SLC27A1: variants seen among roughly 807,000 people sequenced by gnomAD.
SLC27A1 encodes long-chain fatty acid transport protein 1.
A neutral mutation model predicts 62.2 loss-of-function variants in SLC27A1; 61 were observed. That is an observed-to-expected ratio of 0.98 (90% CI 0.80 to 1.21). The LOEUF (loss-of-function observed/expected upper bound fraction) is 1.21, where lower values mean the gene tolerates loss of function less well. Among genes scored for constraint, SLC27A1 ranks in the 50% most tolerant of loss-of-function variants. The probability of loss-of-function intolerance (pLI) is 0.00; values close to 1 mark genes in which losing one functional copy is unlikely to be tolerated. For missense variants in SLC27A1, 903 were observed against 932.1 expected, an observed-to-expected ratio of 0.97 and a Z score of 0.41; for synonymous variants, 435 against 408.6, an observed-to-expected ratio of 1.06 and a Z score of -0.78.
chr19:17,500,432 C>T, intron 8 of SLC27A1, 28 bp downstream of exon 8: 1 of 1,612,964 alleles, frequency 6.2e-7, no homozygotes, highest in Non-Finnish European at 8.5e-7. Flanking sequence ...ATGGTCCCCA[C>T]CCGGAGCAGG....
rs150336592 is a variant in SLC27A1 at position 17,480,279 on chromosome 19, C to T, written c.168-6284C>T. ...CTGACCTCAAGTGATCTGCTCACCT[C>T]GGCCTCCCAAAGTGCACAGATTACA... is the stretch of plus-strand genomic sequence containing the variant. On this transcript the variant is annotated intron_variant, in intron 1 of 11. Coordinates refer to ENST00000252595, the MANE Select transcript of SLC27A1 (RefSeq NM_198580.3). 3.4e-3 allele frequency among the ~76,000 whole-genome samples: 521 copies of T among 152,078 alleles called. 6 individuals are homozygous for T. Among genetic ancestry groups the T allele is most frequent in the African/African-American group, 0.012 (495 of 41,498 alleles).
At chr19:17,501,681 T>C (rs573885215) in intron 11 of SLC27A1, among the ~76,000 whole-genome samples, 22 of 151,502 alleles carry the variant, frequency 1.5e-4, no homozygotes, top group Non-Finnish European at 3.1e-4. Context: ...CGGGTGCCTG[T>C]AGTCCCAGCT....
At chr19:17,503,204 T>C (rs1599678470) in intron 11 of SLC27A1, among the ~76,000 whole-genome samples, 1 of 151,998 alleles carries the variant, frequency 6.6e-6, no homozygotes, top group East Asian at 1.9e-4. Context: ...GTGGGAAGTA[T>C]GGGAGCTACA....
upstream of SLC27A1, among the ~76,000 whole-genome samples, chr19:17,469,731 G>C (rs544406587): frequency 8.6e-5 from 13 of 151,720 alleles, no homozygotes; most frequent in South Asian, 2.1e-4. Context: ...TAGGTCCTAG[G>C]GGGGCCGGAG....
intron 11 of SLC27A1, among the ~76,000 whole-genome samples, chr19:17,502,842 T>G (rs1245333910): frequency 6.6e-6 from 1 of 151,066 alleles, no homozygotes; most frequent in Non-Finnish European, 1.5e-5. Flanking sequence ...GGCACCACCA[T>G]GCCTGACTAA....
chr19:17,480,336 A>T (rs1310853302), intron 1 of SLC27A1, among the ~76,000 whole-genome samples: 2 of 151,456 alleles, frequency 1.3e-5, no homozygotes, highest in African/African-American at 2.4e-5. Flanking sequence ...CCTATTTTTT[A>T]AAAATTTTTG....
intron 1 of SLC27A1, among the ~76,000 whole-genome samples, chr19:17,476,405 G>T (rs1003013000): frequency 8.5e-5 from 13 of 152,048 alleles, no homozygotes; most frequent in Middle Eastern, 3.2e-3. Flanking sequence ...GGGCGTGGTA[G>T]CGGGCACCTG....
intron 1 of SLC27A1, among the ~76,000 whole-genome samples, chr19:17,472,418 T>C (rs2075085817): frequency 6.6e-6 from 1 of 151,690 alleles, no homozygotes; most frequent in African/African-American, 2.4e-5. Flanking sequence ...AAAATAGAAT[T>C]AGAATTGAGG....
At chr19:17,489,411 G>A (rs1273847564) in intron 6 of SLC27A1, among the ~76,000 whole-genome samples, 1 of 152,226 alleles carries the variant, frequency 6.6e-6, no homozygotes, top group African/African-American at 2.4e-5. Context: ...TGGGGACAGA[G>A]AGGGCAAGTA....
At position 17,488,993 on chromosome 19, in the gene SLC27A1, G is replaced by A; in HGVS notation, c.887-15G>A. 6.2e-7 allele frequency: 1 copy of A among 1,614,026 alleles called. No homozygotes were observed. Among genetic ancestry groups the A allele is most frequent in the Non-Finnish European group, 8.5e-7 (1 of 1,179,956 alleles). ...GTGGGGGCGGGGGACCCCTTACCAA[G>A]GCCACCCTCTGCAGGAAACATCATC... On this transcript the variant is annotated splice_polypyrimidine_tract_variant and intron_variant, in intron 5 of 11. Transcript: ENST00000252595.
intron 6 of SLC27A1, among the ~76,000 whole-genome samples, chr19:17,490,551 C>T (rs905346596): frequency 2.0e-5 from 3 of 152,082 alleles, no homozygotes; most frequent in Admixed American, 2.0e-4. Flanking sequence ...CAGCTGGACC[C>T]AGAGGCTATC....
At chr19:17,503,292 T>A (rs901176964) in intron 11 of SLC27A1, 3 of 152,184 alleles carry the variant, frequency 2.0e-5, no homozygotes, top group African/African-American at 7.2e-5. Context: ...GGTCTCGCAG[T>A]CCTGGGCTCA....
At position 17,480,667 on chromosome 19, in the gene SLC27A1, C is replaced by T. The variant is rs191604848; in HGVS notation, c.168-5896C>T. ...TCCTAGCATTATAGGCGTGAGCCAC[C>T]GTGTCCACCCAATTTTTTTAAAAAT... On this transcript the variant is annotated intron_variant, in intron 1 of 11. Transcript: ENST00000252595. Among the ~76,000 whole-genome samples, 703 of 151,112 alleles carry T rather than the reference C, an allele frequency of 4.7e-3. 2 individuals carry two copies. The highest frequency in any genetic ancestry group is 6.3e-3 in the Non-Finnish European group (430 of 67,858).
At chr19:17,504,263 G>A (rs892210306) in intron 11 of SLC27A1, among the ~76,000 whole-genome samples, 192 bp from the exon 12 acceptor site, 1 of 152,150 alleles carries the variant, frequency 6.6e-6, no homozygotes, top group Non-Finnish European at 1.5e-5. Context: ...GGTTAGGGAG[G>A]CCTCACTGGA....
chr19:17,486,371 A>G lies in SLC27A1; in HGVS notation c.168-192A>G, dbSNP rs1464414413. Among the ~76,000 whole-genome samples the G allele has an allele frequency of 6.6e-6, 1 of 152,142 alleles. No individual in the cohort carries two copies. On this transcript the variant is annotated intron_variant, in intron 1 of 11. Transcript: ENST00000252595. The surrounding 1 kb of genome is among the most constrained non-coding windows in gnomAD (Gnocchi z 6.6). ...CTGGTTTATTACGCTTTGAGAATCTACCTTCTTCCTGGCTGGTTGGTAAAT... is the reference window on the plus strand; with the variant it reads ...CTGGTTTATTACGCTTTGAGAATCTGCCTTCTTCCTGGCTGGTTGGTAAAT...
intron 1 of SLC27A1, among the ~76,000 whole-genome samples, chr19:17,479,643 CCT>C (rs3079220): frequency 0.53 from 80,085 of 151,264 alleles, 21,829 homozygotes; most frequent in African/African-American, 0.63. Context: ...TTTCTTTCTC[CCT>C]CTCTCTCTCA....
rs566912148 is a variant in SLC27A1, at chr19:17,486,260, C to G, written c.168-303C>G. ...GGATGGTGTCAGGTGCTCCAGACGT[C>G]GCAGGGGACAGAAAGGAGGATGGGT... is the stretch of plus-strand genomic sequence containing the variant. On this transcript the variant is annotated intron_variant, in intron 1 of 11. Transcript: ENST00000252595. The surrounding 1 kb of genome is among the most constrained non-coding windows in gnomAD (Gnocchi z 6.6). Among the ~76,000 whole-genome samples, 1 of 152,140 alleles carries G rather than the reference C, an allele frequency of 6.6e-6. No individual in the cohort carries two copies. The highest frequency in any genetic ancestry group is 1.5e-5 in the Non-Finnish European group (1 of 67,996).
chr19:17,484,793 G>A (rs1443446304), intron 1 of SLC27A1, among the ~76,000 whole-genome samples: 1 of 152,222 alleles, frequency 6.6e-6, no homozygotes, highest in Non-Finnish European at 1.5e-5. Flanking sequence ...GAAGTCCACT[G>A]TGAACATTTT....
rs909508656 is a variant in SLC27A1 at position 17,485,251 on chromosome 19, G to A, written c.168-1312G>A. ...TTGGCCCAGGCTGGAGTGAATTTGC[G>A]TGATCTCGGCTCACTGCAACCTCTG... On this transcript the variant is annotated intron_variant, in intron 1 of 11. Coordinates refer to ENST00000252595, the MANE Select transcript of SLC27A1 (RefSeq NM_198580.3). Among the ~76,000 whole-genome samples the A allele has an allele frequency of 6.2e-5, 8 of 128,130 alleles. No individual in the cohort carries two copies. The South Asian group carries it at 9.6e-4, about 15-fold the overall frequency. 84.1% of individuals were successfully genotyped at this position (128,130 alleles called of 152,430 possible).
Sources: gnomAD v4.1 joint callset for allele counts (sites outside exome capture counted in the v4.1 genomes callset) on GRCh38, gnomAD v4.1.1 for gene constraint, Gnocchi (gnomAD v3.1) non-coding constraint, MANE v1.5 for transcripts, NCBI Gene and HGNC (gene_info 2026-07-23, HGNC 2026-07-21) for gene names.